GPR158: variants seen among roughly 807,000 people sequenced by gnomAD.
GPR158 encodes the protein G protein-coupled receptor 158, also known as metabotropic glycine receptor.
A neutral mutation model predicts 78.2 loss-of-function variants in GPR158; 30 were observed. That is an observed-to-expected ratio of 0.38 (90% CI 0.29 to 0.52). GPR158 has a LOEUF of 0.52. Ranked by LOEUF, GPR158 falls within the 20% of genes least tolerant of loss-of-function variation. The pLI is 0.83. For missense variants in GPR158, 1,463 were observed against 1,523.5 expected, an observed-to-expected ratio of 0.96 and a Z score of 0.66; for synonymous variants, 581 against 591.1, an observed-to-expected ratio of 0.98 and a Z score of 0.25.
At chr10:25,441,801 G>T (rs576487543) in intron 4 of GPR158, among the ~76,000 whole-genome samples, 1 of 152,096 alleles carries the variant, frequency 6.6e-6, no homozygotes, top group Non-Finnish European at 1.5e-5. Context: ...TTAATCTTGT[G>T]TTTGTCACAA....
intron 2 of GPR158, among the ~76,000 whole-genome samples, chr10:25,302,749 A>G (rs1280885864): frequency 6.6e-6 from 1 of 152,316 alleles, no homozygotes; most frequent in South Asian, 2.1e-4. Flanking sequence ...CCCTGTTCTA[A>G]GTCAGTGCTA....
intron 2 of GPR158, among the ~76,000 whole-genome samples, chr10:25,241,223 T>TTCTTTCCTTTCTTCCC (rs1372596936): frequency 1.0e-5 from 1 of 95,368 alleles, no homozygotes; most frequent in African/African-American, 6.3e-5. Flanking sequence ...TTTCTTTCCT[T>TTCTTTCCTTTCTTCCC]TTTCTTTCCT....
At chr10:25,212,331 C>T (rs568020010) in intron 1 of GPR158, among the ~76,000 whole-genome samples, 1 of 152,064 alleles carries the variant, frequency 6.6e-6, no homozygotes, top group Admixed American at 6.6e-5. Flanking sequence ...AGGAGCGAAG[C>T]GGGGTGTGCT....
chr10:25,224,780 A>G (rs1333836239), intron 2 of GPR158, among the ~76,000 whole-genome samples: 1 of 152,126 alleles, frequency 6.6e-6, no homozygotes, highest in Non-Finnish European at 1.5e-5. Flanking sequence ...TTCTTTACAG[A>G]GATACAGCTG....
intron 5 of GPR158, among the ~76,000 whole-genome samples, chr10:25,501,109 C>A (rs113153328): frequency 1.3e-5 from 2 of 152,124 alleles, no homozygotes; most frequent in Non-Finnish European, 2.9e-5. Context: ...GGGACTCCGA[C>A]CTGTTGAGCA....
At chr10:25,553,583 C>A (rs1199954773) in intron 6 of GPR158, among the ~76,000 whole-genome samples, 1 of 152,112 alleles carries the variant, frequency 6.6e-6, no homozygotes, top group Non-Finnish European at 1.5e-5. Flanking sequence ...CCAGCTGAAC[C>A]AGCTTTGTGC....
chr10:25,198,644 T>C (rs1407409669), intron 1 of GPR158, among the ~76,000 whole-genome samples: 1 of 152,214 alleles, frequency 6.6e-6, no homozygotes, highest in African/African-American at 2.4e-5. Flanking sequence ...GAAAGCTATT[T>C]GATAATAGTA....
At chr10:25,420,360 C>T (rs559974176) in intron 4 of GPR158, among the ~76,000 whole-genome samples, 10 of 152,128 alleles carry the variant, frequency 6.6e-5, no homozygotes, top group Admixed American at 3.3e-4. Context: ...GCTATGTTGC[C>T]GAGACTGGCC....
chr10:25,258,702 G>A (rs1853923969), intron 2 of GPR158, among the ~76,000 whole-genome samples: 1 of 151,984 alleles, frequency 6.6e-6, no homozygotes. Flanking sequence ...AATATTTTAG[G>A]CTTTTTAGGT....
At chr10:25,371,694 C>G (rs1410208968) in intron 2 of GPR158, among the ~76,000 whole-genome samples, 6 of 133,670 alleles carry the variant, frequency 4.5e-5, no homozygotes, top group Non-Finnish European at 8.2e-5. Flanking sequence ...ACACCTTATA[C>G]AAAAATCAAT....
intron 1 of GPR158, among the ~76,000 whole-genome samples, chr10:25,202,600 C>A (rs1852949039): frequency 6.6e-6 from 1 of 152,176 alleles, no homozygotes; most frequent in East Asian, 1.9e-4. Context: ...TTTTTTATGG[C>A]TGCATAGTAT....
intron 2 of GPR158, among the ~76,000 whole-genome samples, chr10:25,320,003 C>T (rs1304133317): frequency 6.6e-6 from 1 of 152,162 alleles, no homozygotes; most frequent in African/African-American, 2.4e-5. Context: ...TATTATATCT[C>T]TCCTCGACAT....
chr10:25,238,215 C>T (rs553320399), intron 2 of GPR158, among the ~76,000 whole-genome samples: 37 of 152,296 alleles, frequency 2.4e-4, no homozygotes, highest in Non-Finnish European at 4.0e-4. Context: ...CTTCCAGTTT[C>T]TTCACTCCAT....
At chr10:25,308,395 G>T (rs775592625) in intron 2 of GPR158, among the ~76,000 whole-genome samples, 66 of 152,116 alleles carry the variant, frequency 4.3e-4, no homozygotes, top group Middle Eastern at 3.4e-3. Flanking sequence ...AGAACATGTG[G>T]TATTTTGTTT....
intron 2 of GPR158, among the ~76,000 whole-genome samples, chr10:25,257,758 C>T (rs997249556): frequency 3.9e-5 from 6 of 152,048 alleles, no homozygotes; most frequent in Non-Finnish European, 8.8e-5. Flanking sequence ...TTGAATGGCC[C>T]TTAAGTTTTG....
At chr10:25,416,420 G>A (rs968247916) in intron 4 of GPR158, among the ~76,000 whole-genome samples, 4 of 152,034 alleles carry the variant, frequency 2.6e-5, no homozygotes, top group African/African-American at 7.2e-5. Context: ...ATTACTTAGT[G>A]TGCAAACAAA....
At chr10:25,528,878 C>T (rs1836387022) in intron 5 of GPR158, among the ~76,000 whole-genome samples, 3 of 152,118 alleles carry the variant, frequency 2.0e-5, no homozygotes, top group African/African-American at 7.2e-5. Flanking sequence ...TCTAAAGTTA[C>T]AGGACTTAAT....
chr10:25,426,508 G>A (rs897426523), intron 4 of GPR158, among the ~76,000 whole-genome samples: 1 of 152,036 alleles, frequency 6.6e-6, no homozygotes, highest in African/African-American at 2.4e-5. Context: ...AGAGACCATT[G>A]TATGGTTATT....
intron 2 of GPR158, among the ~76,000 whole-genome samples, chr10:25,309,391 T>C (rs1448248563): frequency 7.1e-6 from 1 of 141,694 alleles, no homozygotes; most frequent in Non-Finnish European, 1.5e-5. Flanking sequence ...TTGCCCACTT[T>C]TGAATTCAGT....
Sources: gnomAD v4.1 joint callset for allele counts (sites outside exome capture counted in the v4.1 genomes callset) on GRCh38, gnomAD v4.1.1 for gene constraint, MANE v1.5 for transcripts, NCBI Gene and HGNC (gene_info 2026-07-23, HGNC 2026-07-21) for gene names.